Variants in OSBP2 observed in about 807,000 individuals in gnomAD.
OSBP2 encodes the protein oxysterol-binding protein 2.
OSBP2 carries 66 observed loss-of-function variants against 96.0 expected under a neutral mutation model. That is an observed-to-expected ratio of 0.69 (90% confidence interval 0.56 to 0.84). The LOEUF (loss-of-function observed/expected upper bound fraction) is 0.84. Ranked by LOEUF, OSBP2 falls within the 40% of genes least tolerant of loss-of-function variation. OSBP2 has a pLI of 0.00. For missense variants in OSBP2, 1,038 were observed against 1,222.7 expected (o/e 0.85, Z 2.25); for synonymous variants, 525 against 520.9 (o/e 1.01, Z -0.11).
chr22:30,873,980 T>C (rs935953510), intron 3 of OSBP2, among the ~76,000 whole-genome samples: 2 of 152,206 alleles, frequency 1.3e-5, no homozygotes, highest in Non-Finnish European at 2.9e-5. Context: ...CTCACACCTG[T>C]AATCCCAACA....
intron 2 of OSBP2, among the ~76,000 whole-genome samples, chr22:30,833,142 A>G (rs1470412743): frequency 6.6e-6 from 1 of 152,192 alleles, no homozygotes; most frequent in East Asian, 1.9e-4. Context: ...GGGGTCTTAG[A>G]GATGATTTAC....
intron 2 of OSBP2, among the ~76,000 whole-genome samples, chr22:30,825,214 A>G (rs907096113): frequency 2.0e-5 from 3 of 152,160 alleles, no homozygotes; most frequent in East Asian, 1.9e-4. Context: ...TTGGCTGGGC[A>G]TGGTGGTTCA....
chr22:30,832,312 A>T (rs1275323751), intron 2 of OSBP2, among the ~76,000 whole-genome samples: 6 of 148,182 alleles, frequency 4.0e-5, no homozygotes, highest in African/African-American at 1.5e-4. Flanking sequence ...TTTTTTTTTT[A>T]AGATACAAAG....
intron 2 of OSBP2, among the ~76,000 whole-genome samples, chr22:30,850,515 T>C (rs2038959521): frequency 6.6e-6 from 1 of 152,170 alleles, no homozygotes; most frequent in Admixed American, 6.5e-5. Flanking sequence ...TCCTTTGATT[T>C]TTGAGACAGC....
upstream of OSBP2, chr22:30,693,988 G>A: frequency 2.3e-6 from 3 of 1,312,750 alleles, no homozygotes; most frequent in Admixed American, 2.6e-5. Flanking sequence ...AAAAAAAGCG[G>A]AAAAAAAAAT....
At chr22:30,819,897 C>G (rs2091126920) in intron 2 of OSBP2, among the ~76,000 whole-genome samples, 1 of 152,232 alleles carries the variant, frequency 6.6e-6, no homozygotes, top group Non-Finnish European at 1.5e-5. Context: ...TGGCACTCAG[C>G]TCCTCTGCCC....
intron 1 of OSBP2, among the ~76,000 whole-genome samples, chr22:30,725,890 A>G (rs911816983): frequency 2.7e-5 from 4 of 150,618 alleles, no homozygotes; most frequent in African/African-American, 9.8e-5. Flanking sequence ...AGTGATTCTC[A>G]TGCCTCAGCC....
At chr22:30,767,295 G>A (rs892791463) in intron 2 of OSBP2, among the ~76,000 whole-genome samples, 1 of 151,618 alleles carries the variant, frequency 6.6e-6, no homozygotes, top group Non-Finnish European at 1.5e-5. Context: ...GGGCAACAGA[G>A]CAAGACTTTC....
At chr22:30,800,773 G>A (rs1009467540) in intron 2 of OSBP2, among the ~76,000 whole-genome samples, 1 of 152,226 alleles carries the variant, frequency 6.6e-6, no homozygotes, top group African/African-American at 2.4e-5. Context: ...AAAGAATGGA[G>A]TAACTGAACT....
rs962722717 is a variant in OSBP2, at chr22:30,870,418, T to G, written c.854-11T>G. 1.9e-6 allele frequency: 3 copies of G among 1,613,320 alleles called. No individual in the cohort carries two copies. In the African/African-American group the frequency reaches 4.0e-5, roughly 22 times the overall value. Reference sequence around the variant, plus strand: ...TCGTAATGACCGTAACAACTCTATTTTCTTCCACAGATGACTCTGGGGACG... The same window carrying G: ...TCGTAATGACCGTAACAACTCTATTGTCTTCCACAGATGACTCTGGGGACG... On this transcript the variant is annotated splice_polypyrimidine_tract_variant and intron_variant, in intron 2 of 13. Transcript: ENST00000332585. The surrounding 1 kb of genome is among the most constrained non-coding windows in gnomAD (Gnocchi z 4.1).
At chr22:30,863,913 A>G (rs1055451472) in intron 2 of OSBP2, among the ~76,000 whole-genome samples, 3 of 151,482 alleles carry the variant, frequency 2.0e-5, no homozygotes, top group African/African-American at 7.3e-5. Flanking sequence ...GTCTGTGGAC[A>G]TGCAGGAAAT....
intron 4 of OSBP2, 143 bp from the exon 5 acceptor site, chr22:30,888,080 A>G (rs1309567456): frequency 1.0e-5 from 7 of 670,182 alleles, no homozygotes; most frequent in Non-Finnish European, 1.9e-5. Context: ...GCCGCAGCCC[A>G]GGGAATCAGG....
chr22:30,841,951 A>AT (rs542840823), intron 2 of OSBP2, among the ~76,000 whole-genome samples: 134 of 147,972 alleles, frequency 9.1e-4, no homozygotes, highest in Non-Finnish European at 1.2e-3. Context: ...GTCTCAAACA[A>AT]TTTTTTTTTT....
At chr22:30,763,866 C>A (rs2090237075) in intron 2 of OSBP2, among the ~76,000 whole-genome samples, 1 of 152,216 alleles carries the variant, frequency 6.6e-6, no homozygotes, top group Admixed American at 6.5e-5. Context: ...GGGGTCTCTG[C>A]TCCCAACTCC....
intron 2 of OSBP2, among the ~76,000 whole-genome samples, chr22:30,762,484 G>A (rs2145774639): frequency 6.6e-6 from 1 of 152,074 alleles, no homozygotes; most frequent in East Asian, 1.9e-4. Context: ...AGAGCTTGCA[G>A]TGAGCTGAGA....
chr22:30,802,073 A>G (rs1480286022), intron 2 of OSBP2, among the ~76,000 whole-genome samples: 1 of 152,188 alleles, frequency 6.6e-6, no homozygotes, highest in Non-Finnish European at 1.5e-5. Context: ...GAAAGGCGTG[A>G]GGGAGGCCAT....
At chr22:30,744,435 A>C (rs2145744647) in intron 2 of OSBP2, among the ~76,000 whole-genome samples, 1 of 152,196 alleles carries the variant, frequency 6.6e-6, no homozygotes, top group African/African-American at 2.4e-5. Flanking sequence ...ACCCTGTCTC[A>C]TCCTGCTGGA....
chr22:30,759,971 C>T (rs924273217), intron 2 of OSBP2, among the ~76,000 whole-genome samples: 3 of 151,680 alleles, frequency 2.0e-5, no homozygotes, highest in African/African-American at 7.3e-5. Context: ...AAGCAGTTCT[C>T]CTCCCTCAGC....
chr22:30,856,561 A>G (rs911569855), intron 2 of OSBP2, among the ~76,000 whole-genome samples: 20 of 151,018 alleles, frequency 1.3e-4, no homozygotes, highest in Admixed American at 5.3e-4. Context: ...TAATTTTTGT[A>G]TTTTTAGTAG....
Sources: allele counts gnomAD v4.1 joint callset (sites outside exome capture counted in the v4.1 genomes callset), GRCh38; gene constraint gnomAD v4.1.1; non-coding constraint Gnocchi (gnomAD v3.1); transcripts MANE v1.5; gene names NCBI Gene and HGNC (gene_info 2026-07-23, HGNC 2026-07-21).